Variants in DPYSL3 observed in about 807,000 individuals in gnomAD.
DPYSL3 encodes the protein dihydropyrimidinase like 3.
In DPYSL3, 16 loss-of-function variants were observed where a neutral mutation model predicts 66.1. That is an observed-to-expected ratio of 0.24 (90% CI 0.16 to 0.37). The LOEUF is 0.37. DPYSL3 is among the 10% of genes least tolerant of loss of function. DPYSL3 has a pLI of 1.00. For missense variants in DPYSL3, 738 were observed against 916.2 expected (o/e 0.81, Z 2.51); for synonymous variants, 338 against 345.1 (o/e 0.98, Z 0.23).
At chr5:147,450,323 G>A (rs1271005846) in intron 1 of DPYSL3, among the ~76,000 whole-genome samples, 2 of 152,136 alleles carry the variant, frequency 1.3e-5, no homozygotes, top group Non-Finnish European at 2.9e-5. Context: ...CAACAGGTAT[G>A]GGCTATTATT....
intron 3 of DPYSL3, among the ~76,000 whole-genome samples, chr5:147,417,258 C>A (rs1405492829): frequency 6.6e-6 from 1 of 152,246 alleles, no homozygotes; most frequent in African/African-American, 2.4e-5. Context: ...CAAGATCACT[C>A]ATTCCCGTAG....
chr5:147,474,798 T>C (rs1286267941), intron 1 of DPYSL3, among the ~76,000 whole-genome samples: 2 of 152,088 alleles, frequency 1.3e-5, no homozygotes, highest in African/African-American at 4.8e-5. Context: ...AACAATACCA[T>C]ACAATTCACC....
chr5:147,427,008 C>T (rs1260796522), intron 1 of DPYSL3, among the ~76,000 whole-genome samples: 1 of 152,160 alleles, frequency 6.6e-6, no homozygotes, highest in East Asian at 1.9e-4. Context: ...TATGTCCACC[C>T]TCATTTCTAT....
intron 1 of DPYSL3, among the ~76,000 whole-genome samples, chr5:147,501,015 C>T (rs971688879): frequency 3.9e-5 from 6 of 152,186 alleles, no homozygotes; most frequent in African/African-American, 1.4e-4. Flanking sequence ...AACGTATGTG[C>T]CCACGAATGT....
intron 1 of DPYSL3, among the ~76,000 whole-genome samples, chr5:147,437,841 A>C (rs1255174618): frequency 6.6e-6 from 1 of 152,190 alleles, no homozygotes; most frequent in African/African-American, 2.4e-5. Flanking sequence ...TTTCAAAGGA[A>C]TGCTGTGAGG....
intron 1 of DPYSL3, among the ~76,000 whole-genome samples, chr5:147,460,382 G>A (rs1251520360): frequency 1.3e-5 from 2 of 152,148 alleles, no homozygotes; most frequent in Non-Finnish European, 2.9e-5. Flanking sequence ...AGCTATATAT[G>A]TTCATGGGTT....
intron 2 of DPYSL3, among the ~76,000 whole-genome samples, chr5:147,424,389 T>C (rs1370870101): frequency 1.3e-5 from 2 of 152,194 alleles, no homozygotes; most frequent in African/African-American, 4.8e-5. Flanking sequence ...AGGCATCCAA[T>C]AGTATACATT....
chr5:147,498,896 C>A (rs577209634), intron 1 of DPYSL3, among the ~76,000 whole-genome samples: 1 of 151,986 alleles, frequency 6.6e-6, no homozygotes, highest in Admixed American at 6.6e-5. Flanking sequence ...ATAATAGTTT[C>A]TTTTGCTGTG....
intron 1 of DPYSL3, chr5:147,453,975 TTTTC>T (rs923687114): frequency 4.3e-5 from 10 of 232,290 alleles, no homozygotes; most frequent in South Asian, 1.8e-4. Context: ...CACTTTTTCT[TTTTC>T]TTTCTTTTTT....
At chr5:147,406,876 G>A (rs747177518) in intron 7 of DPYSL3, among the ~76,000 whole-genome samples, 3 of 152,174 alleles carry the variant, frequency 2.0e-5, no homozygotes, top group Non-Finnish European at 4.4e-5. Context: ...TGTCCATTGT[G>A]GGTGTAGCTC....
intron 1 of DPYSL3, among the ~76,000 whole-genome samples, chr5:147,441,265 C>T (rs1752528826): frequency 6.6e-6 from 1 of 152,144 alleles, no homozygotes; most frequent in African/African-American, 2.4e-5. Flanking sequence ...GTTATGAATG[C>T]TAGAAGTCTG....
chr5:147,481,946 A>C (rs1348663095), intron 1 of DPYSL3, among the ~76,000 whole-genome samples: 8 of 152,254 alleles, frequency 5.3e-5, no homozygotes, highest in Admixed American at 5.2e-4. Flanking sequence ...AGATGCCTGC[A>C]CATACAGTGG....
Position 147,459,875 on chromosome 5 carries a change from C to G in DPYSL3, c.382-34912G>C, listed in dbSNP as rs1040407234. On this transcript the variant is annotated intron_variant, in intron 1 of 13. Coordinates refer to ENST00000343218, the MANE Select transcript of DPYSL3 (RefSeq NM_001197294.2). ...CCTGTAATGCCAGCACTTTGGGAGG[C>G]AGAGGTGGGCGGGTCATGAGGTCAG... Among the ~76,000 whole-genome samples the G allele has an allele frequency of 2.0e-5, 3 of 152,160 alleles. No individual in the cohort carries two copies. In the East Asian group the frequency reaches 5.8e-4, roughly 29 times the overall value.
At chr5:147,420,120 A>G (rs966881494) in intron 2 of DPYSL3, among the ~76,000 whole-genome samples, 10 of 152,138 alleles carry the variant, frequency 6.6e-5, no homozygotes, top group Non-Finnish European at 1.0e-4. Context: ...GCAAAATCCA[A>G]GTCTAATAAT....
intron 1 of DPYSL3, among the ~76,000 whole-genome samples, chr5:147,491,703 G>A (rs1054443958): frequency 3.3e-5 from 5 of 151,860 alleles, no homozygotes; most frequent in African/African-American, 1.2e-4. Flanking sequence ...AATAATGTCT[G>A]AGCTTGAGGA....
intron 1 of DPYSL3, among the ~76,000 whole-genome samples, chr5:147,461,094 C>T (rs933074044): frequency 2.6e-5 from 4 of 152,106 alleles, no homozygotes; most frequent in Non-Finnish European, 4.4e-5. Context: ...GAAGCTTGCA[C>T]GGGTGAATGC....
At chr5:147,482,046 A>G (rs1753254678) in intron 1 of DPYSL3, among the ~76,000 whole-genome samples, 2 of 152,282 alleles carry the variant, frequency 1.3e-5, no homozygotes, top group East Asian at 3.9e-4. Context: ...TAGGGGAAAC[A>G]TTACCTCATC....
chr5:147,414,332 T>G (rs1751918719), intron 4 of DPYSL3, among the ~76,000 whole-genome samples: 1 of 152,174 alleles, frequency 6.6e-6, no homozygotes, highest in South Asian at 2.1e-4. Flanking sequence ...TTAAATATCT[T>G]AAGTTGTAAG....
At chr5:147,490,886 G>A (rs562589842) in intron 1 of DPYSL3, among the ~76,000 whole-genome samples, 19 of 152,152 alleles carry the variant, frequency 1.2e-4, no homozygotes, top group Admixed American at 2.6e-4. Flanking sequence ...GCAGGGTGGT[G>A]CGGCAGGAGC....
Sources: allele counts gnomAD v4.1 joint callset (sites outside exome capture counted in the v4.1 genomes callset), GRCh38; gene constraint gnomAD v4.1.1; transcripts MANE v1.5; gene names NCBI Gene and HGNC (gene_info 2026-07-23, HGNC 2026-07-21).